The following SPIN1 variants were observed in gnomAD, a reference collection of about 807,000 sequenced individuals.
SPIN1 encodes the protein spindlin 1, also known as spindlin-1.
SPIN1 carries 3 observed loss-of-function variants against 26.0 expected under a neutral mutation model. The ratio of observed to expected loss-of-function variants is 0.12; its 90% CI spans 0.05 to 0.30. The LOEUF (loss-of-function observed/expected upper bound fraction) is 0.30, where lower values mean the gene tolerates loss of function less well. SPIN1 is among the 10% of genes least tolerant of loss of function. The pLI, the probability that SPIN1 is intolerant of heterozygous loss-of-function variation, is 1.00. For missense variants in SPIN1, 126 were observed against 333.4 expected (o/e 0.38, Z 4.84); for synonymous variants, 101 against 116.5 (o/e 0.87, Z 0.86).
intron 5 of SPIN1, among the ~76,000 whole-genome samples, chr9:88,471,297 T>C (rs1004459860): frequency 1.3e-5 from 2 of 152,156 alleles, no homozygotes; most frequent in African/African-American, 4.8e-5. Flanking sequence ...AACTTCATTT[T>C]TTTTTGCTTG....
chr9:88,410,234 G>C lies in SPIN1; in HGVS notation c.-158-16148G>C, dbSNP rs148747213. Among the ~76,000 whole-genome samples the C allele has an allele frequency of 2.3e-3, 344 of 149,316 alleles. 2 individuals are homozygous for C. The highest frequency in any genetic ancestry group is 8.2e-3 in the African/African-American group (330 of 40,222). ...AGACATTTATTCAGCATCATGATCA[G>C]ACTATTACATTTAGCAATCAACAGC... On this transcript the variant is annotated intron_variant, in intron 1 of 5. Transcript: ENST00000375859.
intron 1 of SPIN1, among the ~76,000 whole-genome samples, chr9:88,426,132 C>T (rs189723539): frequency 3.5e-4 from 54 of 152,284 alleles, no homozygotes; most frequent in Admixed American, 5.2e-4. Flanking sequence ...TCCAGTTGAT[C>T]TTGGAAGAGC....
chr9:88,475,661 ATGTATC>A lies in SPIN1; in HGVS notation c.*392_*397del, dbSNP rs373366545. ...TTCGTTATTGCCTTTTTTGAGATGT[ATGTATC>A]TGTATCTACCTATATCTATATGTGT... On this transcript the variant is annotated 3_prime_UTR_variant, in exon 6 of 6. Coordinates refer to ENST00000375859, the MANE Select transcript of SPIN1 (RefSeq NM_006717.3). 4.6e-5 allele frequency: 9 copies of A among 196,558 alleles called. No homozygotes were observed. Among genetic ancestry groups the A allele is most frequent in the African/African-American group, 2.1e-4 (9 of 42,808 alleles). 12.2% of individuals were successfully genotyped at this position (196,558 alleles called of 1,614,324 possible).
chr9:88,407,065 C>T (rs1827326141), intron 1 of SPIN1, among the ~76,000 whole-genome samples: 1 of 151,536 alleles, frequency 6.6e-6, no homozygotes. Context: ...TTATGCTTCC[C>T]ACCTTTTGTG....
At chr9:88,463,013 CT>C (rs1205828250) in intron 4 of SPIN1, among the ~76,000 whole-genome samples, 1 of 152,108 alleles carries the variant, frequency 6.6e-6, no homozygotes, top group African/African-American at 2.4e-5. Context: ...AACATTTTTG[CT>C]CACTGTTCTC....
intron 5 of SPIN1, among the ~76,000 whole-genome samples, chr9:88,473,479 T>C (rs1305901945): frequency 6.6e-6 from 1 of 152,204 alleles, no homozygotes; most frequent in African/African-American, 2.4e-5. Context: ...AACATTTCTT[T>C]AAAAAGCATT....
chr9:88,461,413 G>T (rs73652568), intron 3 of SPIN1, among the ~76,000 whole-genome samples: 4,011 of 152,210 alleles, frequency 0.026, 178 homozygotes, highest in African/African-American at 0.092. Context: ...CTTCTGCGGC[G>T]AGTACTCCTT....
At chr9:88,395,029 C>A (rs1335473227) in intron 1 of SPIN1, among the ~76,000 whole-genome samples, 1 of 151,764 alleles carries the variant, frequency 6.6e-6, no homozygotes, top group Non-Finnish European at 1.5e-5. Flanking sequence ...AAGATGGTCT[C>A]GATCTCCTGA....
chr9:88,420,101 C>T (rs1447852830), intron 1 of SPIN1, among the ~76,000 whole-genome samples: 3 of 152,184 alleles, frequency 2.0e-5, no homozygotes, highest in African/African-American at 2.4e-5. Flanking sequence ...TCAGGCCAGG[C>T]GCGGTGGCTC....
At chr9:88,420,331 C>T (rs141054969) in intron 1 of SPIN1, among the ~76,000 whole-genome samples, 5 of 152,300 alleles carry the variant, frequency 3.3e-5, no homozygotes, top group East Asian at 3.9e-4. Flanking sequence ...GCCGAGATTG[C>T]GCCATTGCAC....
chr9:88,412,997 T>C (rs1428203565), intron 1 of SPIN1, among the ~76,000 whole-genome samples: 1 of 151,860 alleles, frequency 6.6e-6, no homozygotes, highest in Non-Finnish European at 1.5e-5. Context: ...GTCAGTAATT[T>C]AAGTGACAAG....
chr9:88,469,014 C>T (rs1828724418), intron 5 of SPIN1, among the ~76,000 whole-genome samples: 1 of 152,128 alleles, frequency 6.6e-6, no homozygotes, highest in South Asian at 2.1e-4. Context: ...AATCCCAAGA[C>T]ATTGATTATT....
intron 5 of SPIN1, among the ~76,000 whole-genome samples, chr9:88,474,617 C>T (rs1486601930): frequency 6.6e-6 from 1 of 152,170 alleles, no homozygotes; most frequent in African/African-American, 2.4e-5. Context: ...TCTCAGTAAT[C>T]CCTGTAGGAA....
In SPIN1 at chr9:88,476,544, T is replaced by G. The variant is rs137865889; in HGVS notation, c.*1267T>G. ...GTTCATGTGGATTCATTCCATTCAG[T>G]GGCCCCTTGGGGTTTGCATGCCAGT... On this transcript the variant is annotated 3_prime_UTR_variant, in exon 6 of 6. Transcript: ENST00000375859. 1 of 152,198 alleles carries G rather than the reference T, an allele frequency of 6.6e-6. No individual in the cohort carries two copies. Among genetic ancestry groups the G allele is most frequent in the Non-Finnish European group, 1.5e-5 (1 of 68,050 alleles). The allele number at this position is 152,198 out of a possible 1,614,324, so 9.4% of individuals were successfully genotyped here.
chr9:88,410,326 AAAAT>A (rs1256329584), intron 1 of SPIN1, among the ~76,000 whole-genome samples: 3 of 151,756 alleles, frequency 2.0e-5, no homozygotes, highest in Non-Finnish European at 2.9e-5. Context: ...AACAGAAACT[AAAAT>A]AACCTGTTAT....
intron 3 of SPIN1, among the ~76,000 whole-genome samples, chr9:88,452,377 G>A (rs79147246): frequency 0.019 from 2,836 of 152,264 alleles, 81 homozygotes; most frequent in African/African-American, 0.062. Flanking sequence ...TTACTGAACT[G>A]CAGGTTTTGT....
In SPIN1 at chr9:88,431,274, T is replaced by TTC. The variant is rs972578412; in HGVS notation, c.52+4699_52+4700dup. Among the ~76,000 whole-genome samples, 139 of 151,536 alleles carry TTC rather than the reference T, an allele frequency of 9.2e-4. 1 individual carries two copies. Among genetic ancestry groups the TTC allele is most frequent in the African/African-American group, 3.0e-3 (122 of 41,200 alleles). ...CCTACTACTCAAATTTAACAAATAT[T>TTC]TCTCTCTCTCTCTCTCTTTTTTTTT... On this transcript the variant is annotated intron_variant, in intron 2 of 5. Transcript: ENST00000375859.
intron 1 of SPIN1, chr9:88,410,581 T>G: frequency 1.2e-6 from 1 of 850,572 alleles, no homozygotes; most frequent in Non-Finnish European, 2.0e-6. Flanking sequence ...ACCACCATAG[T>G]AGCCACCGTG....
chr9:88,454,554 G>A (rs899549357), intron 3 of SPIN1, among the ~76,000 whole-genome samples: 1 of 151,758 alleles, frequency 6.6e-6, no homozygotes, highest in Non-Finnish European at 1.5e-5. Context: ...ATTTCTTTTA[G>A]GAACTTGTTC....
Sources: gnomAD v4.1 joint callset for allele counts (sites outside exome capture counted in the v4.1 genomes callset) on GRCh38, gnomAD v4.1.1 for gene constraint, MANE v1.5 for transcripts, NCBI Gene and HGNC (gene_info 2026-07-23, HGNC 2026-07-21) for gene names.